Variants in PIEZO2 observed in about 807,000 individuals in gnomAD.
PIEZO2 encodes piezo type mechanosensitive ion channel component 2.
PIEZO2 carries 172 observed loss-of-function variants against 337.3 expected under a neutral mutation model. The ratio of observed to expected loss-of-function variants is 0.51; its 90% confidence interval spans 0.45 to 0.58. PIEZO2 has a LOEUF of 0.58. Among genes scored for constraint, PIEZO2 ranks in the 20% least tolerant of loss-of-function variants. The probability of loss-of-function intolerance (pLI) is 0.00; values close to 1 mark genes in which losing one functional copy is unlikely to be tolerated. For synonymous variants in PIEZO2, 1,251 were observed against 1,228.5 expected (o/e 1.02, Z -0.38); for missense variants, 3,028 against 3,391.3 (o/e 0.89, Z 2.66).
At position 10,897,405 on chromosome 18, in the gene PIEZO2, T is replaced by C. The variant is rs533535966; in HGVS notation, c.329+13781A>G. On this transcript the variant is annotated intron_variant, in intron 4 of 55. Coordinates refer to ENST00000674853, the MANE Select transcript of PIEZO2 (RefSeq NM_001378183.1). The stretch of plus-strand genomic sequence containing the variant: ...GATTTCACCATGATAGCCAGGCTGG[T>C]CTCAAACTCCTGACTTCAGGTGATC... 7.2e-5 allele frequency among the ~76,000 whole-genome samples: 11 copies of C among 152,300 alleles called. No homozygotes were observed. In the South Asian group the frequency reaches 1.2e-3, roughly 17 times the overall value.
chr18:10,705,343 G>C lies in PIEZO2; in HGVS notation c.5992C>G (p.Leu1998Val), dbSNP rs1423168580. ...THELTASELL[L>V]KKMFHDDELE... ...TGTTCACTGGACCCTTACTTTTTCA[G>C]CAGCAGCTCGCTGGCCGTCAGCTCA... Residue 1998 changes from leucine to valine, a missense_variant, in exon 41 of 56, where the codon CTG becomes GTG. By Grantham distance (32) the Leu-to-Val change is conservative. Coordinates refer to ENST00000674853, the MANE Select transcript of PIEZO2 (RefSeq NM_001378183.1). 2.6e-6 allele frequency: 4 copies of C among 1,530,774 alleles called. No individual in the cohort carries two copies. In the African/African-American group the frequency reaches 4.1e-5, roughly 16 times the overall value. 94.8% of individuals were successfully genotyped at this position (1,530,774 alleles called of 1,614,324 possible).
Position 10,784,490 on chromosome 18 carries a change from C to A in PIEZO2, c.2492+294G>T, listed in dbSNP as rs1047782547. 1.1e-4 allele frequency among the ~76,000 whole-genome samples: 17 copies of A among 152,168 alleles called. No homozygotes were observed. The highest frequency in any genetic ancestry group is 2.4e-4 in the Non-Finnish European group (16 of 68,038). On this transcript the variant is annotated intron_variant, in intron 17 of 55. Coordinates refer to ENST00000674853, the MANE Select transcript of PIEZO2 (RefSeq NM_001378183.1). This position sits in a 1 kb window ranked among gnomAD's most constrained non-coding sequence, Gnocchi z 4.5. ...TCTAAAAACATATAACCAGCCTAGA[C>A]ACAAATACACATATCAACTCTAAAA... is the stretch of plus-strand genomic sequence containing the variant.
chr18:10,843,615 T>A (rs1373713350), intron 7 of PIEZO2, among the ~76,000 whole-genome samples: 1 of 152,208 alleles, frequency 6.6e-6, no homozygotes, highest in Non-Finnish European at 1.5e-5. Context: ...CACTTCGTAT[T>A]TTGAAAGACT....
At chr18:10,880,496 C>A (rs952709528) in intron 4 of PIEZO2, among the ~76,000 whole-genome samples, 1 of 152,054 alleles carries the variant, frequency 6.6e-6, no homozygotes, top group Non-Finnish European at 1.5e-5. Context: ...TGCTGTGAGG[C>A]ATCCAGGTGA....
intron 4 of PIEZO2, among the ~76,000 whole-genome samples, chr18:10,905,581 CAAAAAAAAA>C (rs11318022): frequency 4.7e-5 from 6 of 127,962 alleles, no homozygotes; most frequent in African/African-American, 1.5e-4. Context: ...GAAACTGTTT[CAAAAAAAAA>C]AAAAAAAAAC....
chr18:11,081,217 A>G (rs2038728146), intron 1 of PIEZO2, among the ~76,000 whole-genome samples: 1 of 152,200 alleles, frequency 6.6e-6, no homozygotes, highest in Admixed American at 6.5e-5. Context: ...AATACATTCA[A>G]TGCAAATTCT....
At chr18:10,986,696 A>G (rs1009042360) in intron 2 of PIEZO2, among the ~76,000 whole-genome samples, 2 of 152,020 alleles carry the variant, frequency 1.3e-5, no homozygotes, top group Non-Finnish European at 2.9e-5. Context: ...TCTATTTGAC[A>G]TAGTATGGGA....
intron 4 of PIEZO2, among the ~76,000 whole-genome samples, chr18:10,886,343 T>C (rs28478891): frequency 0.027 from 648 of 23,744 alleles, 143 homozygotes; most frequent in East Asian, 0.044. Context: ...TATATATATA[T>C]ACACACACAC....
chr18:11,117,634 T>G (rs1478977540), intron 1 of PIEZO2, among the ~76,000 whole-genome samples: 1 of 152,258 alleles, frequency 6.6e-6, no homozygotes, highest in African/African-American at 2.4e-5. Flanking sequence ...CCTAAGAATT[T>G]AAACATTTCT....
rs186167730 is a variant in PIEZO2, at chr18:10,926,958, C to T, written c.287-15730G>A. Among the ~76,000 whole-genome samples the T allele has an allele frequency of 9.3e-4, 142 of 152,312 alleles. 1 individual carries two copies. The highest frequency in any genetic ancestry group is 6.8e-3 in the Middle Eastern group (2 of 294). On this transcript the variant is annotated intron_variant, in intron 3 of 55. Transcript: ENST00000674853. ...TAACGGTGAAACAGACACTTCCTGC[C>T]GCACAAGCTCTTCCTATCTCCTTTT...
rs1161713844 is a variant in PIEZO2 at position 11,084,176 on chromosome 18, C to CAAA, written c.65-17957_65-17955dup. Among the ~76,000 whole-genome samples, 258 of 64,616 alleles carry CAAA rather than the reference C, an allele frequency of 4.0e-3. 6 individuals carry two copies. The highest frequency in any genetic ancestry group is 9.6e-3 in the African/African-American group (199 of 20,738). The allele number at this position is 64,616 out of a possible 152,430, so 42.4% of individuals were successfully genotyped here. On this transcript the variant is annotated intron_variant, in intron 1 of 55. Transcript: ENST00000674853. ...TGGGCAAAAGAGTGAAACTCTGTCT[C>CAAA]AAAAAAAAAAAAAAAAAAAAAAAGA...
rs922583652 is a variant in PIEZO2, at chr18:10,691,377, G to C, written c.7197C>G (p.Phe2399Leu). ...AAAGCTGGGCAACCAGGTTCTGGCT[G>C]AATTTCCTAAAATGTAAAAGTACAG... ...FILPGVTERK[F>L]SQNLVAQLWY... The change falls in exon 48 of 56, where the codon TTC becomes TTG. Residue 2399 changes from phenylalanine to leucine, a missense_variant. Physicochemically the swap from Phe to Leu is conservative, Grantham distance 22 (BLOSUM62 0). Coordinates refer to ENST00000674853, the MANE Select transcript of PIEZO2 (RefSeq NM_001378183.1). 6.2e-7 allele frequency: 1 copy of C among 1,611,830 alleles called. No individual in the cohort carries two copies. The highest frequency in any genetic ancestry group is 8.5e-7 in the Non-Finnish European group (1 of 1,179,228).
chr18:10,693,905 T>C (rs995182742), intron 47 of PIEZO2, among the ~76,000 whole-genome samples: 4 of 152,168 alleles, frequency 2.6e-5, no homozygotes, highest in African/African-American at 9.7e-5. Context: ...TATTCTATTT[T>C]AAATACCTAC....
chr18:10,682,348 G>C lies in PIEZO2; in HGVS notation c.7498-56C>G. The C allele has an allele frequency of 6.9e-7, 1 of 1,439,062 alleles. No individual in the cohort carries two copies. The highest frequency in any genetic ancestry group is 9.3e-7 in the Non-Finnish European group (1 of 1,074,628). The allele number at this position is 1,439,062 out of a possible 1,614,324, so 89.1% of individuals were successfully genotyped here. Reference sequence around the variant, plus strand: ...CTCAGGCTCAGGTGCTTTCCCGCAGGCAGCGGGATTGGGGGAGAGCGAGTG... The same window carrying C: ...CTCAGGCTCAGGTGCTTTCCCGCAGCCAGCGGGATTGGGGGAGAGCGAGTG... On this transcript the variant is annotated intron_variant, in intron 49 of 55. Coordinates refer to ENST00000674853, the MANE Select transcript of PIEZO2 (RefSeq NM_001378183.1). The surrounding 1 kb of genome is among the most constrained non-coding windows in gnomAD (Gnocchi z 5.6).
In PIEZO2 at chr18:10,837,929, T is replaced by G. The variant is rs1451245836; in HGVS notation, c.917+17424A>C. Among the ~76,000 whole-genome samples, 1 of 152,090 alleles carries G rather than the reference T, an allele frequency of 6.6e-6. No individual in the cohort carries two copies. The highest frequency in any genetic ancestry group is 1.5e-5 in the Non-Finnish European group (1 of 68,022). Reference sequence around the variant, plus strand: ...ACCATGCCCGGCTAATTTTTGTATTTTTAGTAGAGACGGGGTTTCGTCATG... The same window carrying G: ...ACCATGCCCGGCTAATTTTTGTATTGTTAGTAGAGACGGGGTTTCGTCATG... On this transcript the variant is annotated intron_variant, in intron 7 of 55. Coordinates refer to ENST00000674853, the MANE Select transcript of PIEZO2 (RefSeq NM_001378183.1). This position sits in a 1 kb window ranked among gnomAD's most constrained non-coding sequence, Gnocchi z 4.4.
At position 10,821,301 on chromosome 18, in the gene PIEZO2, A is replaced by C. The variant is rs2040515051; in HGVS notation, c.918-14027T>G. Among the ~76,000 whole-genome samples the C allele has an allele frequency of 6.6e-6, 1 of 152,098 alleles. No individual in the cohort carries two copies. Among genetic ancestry groups the C allele is most frequent in the Non-Finnish European group, 1.5e-5 (1 of 68,010 alleles). On this transcript the variant is annotated intron_variant, in intron 7 of 55. Transcript: ENST00000674853. This position sits in a 1 kb window ranked among gnomAD's most constrained non-coding sequence, Gnocchi z 4.2. ...CAGCCATCATAAACCCACACTTCCAATAGCTCAGCATCTGAAAACAGTTGT... is the reference window on the plus strand; with the variant it reads ...CAGCCATCATAAACCCACACTTCCACTAGCTCAGCATCTGAAAACAGTTGT...
At chr18:11,113,139 C>A (rs1215292323) in intron 1 of PIEZO2, among the ~76,000 whole-genome samples, 1 of 152,164 alleles carries the variant, frequency 6.6e-6, no homozygotes, top group Non-Finnish European at 1.5e-5. Context: ...TCCTGGAAAA[C>A]AGCAACAGTT....
At position 10,689,652 on chromosome 18, in the gene PIEZO2, T is replaced by C; in HGVS notation, c.7497+3A>G. 6.2e-7 allele frequency: 1 copy of C among 1,614,172 alleles called. No individual in the cohort carries two copies. Among genetic ancestry groups the C allele is most frequent in the Non-Finnish European group, 8.5e-7 (1 of 1,180,012 alleles). On this transcript the variant is annotated splice_donor_region_variant and intron_variant, in intron 49 of 55. Coordinates refer to ENST00000674853, the MANE Select transcript of PIEZO2 (RefSeq NM_001378183.1). ...GAATAAGGCACATCTCCTGGCTTCT[T>C]ACCTTCTCCGACTCCCGCCAACACT...
rs950178556 is a variant in PIEZO2, at chr18:11,003,242, T to C, written c.161-23582A>G. 4.6e-5 allele frequency among the ~76,000 whole-genome samples: 7 copies of C among 151,806 alleles called. No homozygotes were observed. Among genetic ancestry groups the C allele is most frequent in the Admixed American group, 1.3e-4 (2 of 15,266 alleles). On this transcript the variant is annotated intron_variant, in intron 2 of 55. Transcript: ENST00000674853. The surrounding 1 kb of genome is among the most constrained non-coding windows in gnomAD (Gnocchi z 4.6). The stretch of plus-strand genomic sequence containing the variant: ...ACAGAAACCTCTGGTCTAGGATGTG[T>C]TTTCTTTTGTTGTTTGTTTGTTTTG...
Sources: gnomAD v4.1 joint callset for allele counts (sites outside exome capture counted in the v4.1 genomes callset) on GRCh38, gnomAD v4.1.1 for gene constraint, Gnocchi (gnomAD v3.1) non-coding constraint, MANE v1.5 for transcripts, NCBI Gene and HGNC (gene_info 2026-07-23, HGNC 2026-07-21) for gene names.